The following EXOC4 variants were observed in gnomAD, a reference collection of about 807,000 sequenced individuals.
The protein encoded by EXOC4 is exocyst complex component 4, also known as SEC8-like 1.
EXOC4 carries 71 observed loss-of-function variants against 107.2 expected under a neutral mutation model. The observed-to-expected ratio is 0.66, with a 90% CI of 0.55 to 0.81. The LOEUF (loss-of-function observed/expected upper bound fraction) is 0.81. EXOC4 is among the 30% of genes least tolerant of loss of function. The probability of loss-of-function intolerance (pLI) is 0.00; values close to 1 mark genes in which losing one functional copy is unlikely to be tolerated. For missense variants in EXOC4, 1,108 were observed against 1,189.6 expected, an observed-to-expected ratio of 0.93 and a Z score of 1.01; for synonymous variants, 456 against 441.2, an observed-to-expected ratio of 1.03 and a Z score of -0.42.
At chr7:133,609,055 A>T (rs1198154032) in intron 9 of EXOC4, among the ~76,000 whole-genome samples, 1 of 152,056 alleles carries the variant, frequency 6.6e-6, no homozygotes, top group Non-Finnish European at 1.5e-5. Context: ...ACTTCCAGTC[A>T]TTTTGTCATT....
chr7:134,049,417 T>C (rs1350856868), intron 17 of EXOC4, among the ~76,000 whole-genome samples: 1 of 152,188 alleles, frequency 6.6e-6, no homozygotes, highest in Non-Finnish European at 1.5e-5. Flanking sequence ...CCACACCCCA[T>C]GCACTCCAGT....
At chr7:133,843,872 G>T (rs1310031319) in intron 11 of EXOC4, among the ~76,000 whole-genome samples, 1 of 152,174 alleles carries the variant, frequency 6.6e-6, no homozygotes, top group Non-Finnish European at 1.5e-5. Context: ...TTAACCTGAA[G>T]AGATGTTGAA....
chr7:133,747,296 C>G (rs1795696614), intron 10 of EXOC4, among the ~76,000 whole-genome samples: 1 of 152,176 alleles, frequency 6.6e-6, no homozygotes, highest in South Asian at 2.1e-4. Flanking sequence ...GAAAGTATTG[C>G]AGCGAACACA....
At chr7:133,436,108 A>T (rs1797968222) in intron 7 of EXOC4, among the ~76,000 whole-genome samples, 1 of 151,660 alleles carries the variant, frequency 6.6e-6, no homozygotes, top group African/African-American at 2.4e-5. Flanking sequence ...CATTTCAAGA[A>T]ATTGGTGATC....
At chr7:133,337,923 T>G (rs1795556568) in intron 5 of EXOC4, among the ~76,000 whole-genome samples, 2 of 152,052 alleles carry the variant, frequency 1.3e-5, no homozygotes, top group Admixed American at 1.3e-4. Context: ...TGAGCCACCA[T>G]GCTGAGCCCA....
chr7:133,918,557 T>C (rs1799864283), intron 13 of EXOC4, among the ~76,000 whole-genome samples: 1 of 152,252 alleles, frequency 6.6e-6, no homozygotes, highest in Non-Finnish European at 1.5e-5. Flanking sequence ...TACATTGTAT[T>C]ATCCGTGATT....
chr7:133,854,054 A>C (rs900913879), intron 11 of EXOC4, among the ~76,000 whole-genome samples: 7 of 152,136 alleles, frequency 4.6e-5, no homozygotes, highest in African/African-American at 9.7e-5. Flanking sequence ...AGAGGAAACA[A>C]CCTCAACCAG....
intron 10 of EXOC4, among the ~76,000 whole-genome samples, chr7:133,720,390 T>A (rs572838918): frequency 6.6e-6 from 1 of 152,340 alleles, no homozygotes; most frequent in South Asian, 2.1e-4. Flanking sequence ...GAATGTTGCG[T>A]ATAAACCTTC....
At chr7:133,405,917 T>C (rs1404466900) in intron 7 of EXOC4, among the ~76,000 whole-genome samples, 1 of 152,180 alleles carries the variant, frequency 6.6e-6, no homozygotes, top group African/African-American at 2.4e-5. Flanking sequence ...GGACTATCCA[T>C]TTACCTCACT....
intron 10 of EXOC4, among the ~76,000 whole-genome samples, chr7:133,803,541 T>G (rs911214311): frequency 1.3e-5 from 2 of 152,210 alleles, no homozygotes; most frequent in Non-Finnish European, 2.9e-5. Flanking sequence ...ATATCAGTTC[T>G]GCAGGAACTG....
At chr7:133,906,665 C>G (rs1002940651) in intron 12 of EXOC4, among the ~76,000 whole-genome samples, 2 of 152,216 alleles carry the variant, frequency 1.3e-5, no homozygotes, top group Non-Finnish European at 2.9e-5. Context: ...TACTACGGCT[C>G]GAGCTGAGCT....
intron 11 of EXOC4, among the ~76,000 whole-genome samples, chr7:133,863,086 T>A (rs568130643): frequency 6.6e-6 from 1 of 152,306 alleles, no homozygotes; most frequent in Non-Finnish European, 1.5e-5. Flanking sequence ...ATATTCTTTA[T>A]CAATGAATAT....
At chr7:133,546,493 C>T (rs984589062) in intron 9 of EXOC4, among the ~76,000 whole-genome samples, 1 of 151,896 alleles carries the variant, frequency 6.6e-6, no homozygotes, top group Non-Finnish European at 1.5e-5. Flanking sequence ...TCACCTCAAG[C>T]GATCTGCCTG....
At chr7:133,289,832 A>T (rs1474560068) in intron 3 of EXOC4, among the ~76,000 whole-genome samples, 1 of 152,270 alleles carries the variant, frequency 6.6e-6, no homozygotes, top group African/African-American at 2.4e-5. Context: ...TCCCACTTCC[A>T]TCTCATTCAG....
intron 17 of EXOC4, among the ~76,000 whole-genome samples, chr7:134,036,637 C>A (rs911629150): frequency 6.6e-6 from 1 of 152,116 alleles, no homozygotes; most frequent in Admixed American, 6.5e-5. Context: ...TGAATTTTTT[C>A]TTGGATTAAA....
intron 9 of EXOC4, chr7:133,551,819 T>C (rs551204980): frequency 2.0e-5 from 3 of 152,258 alleles, no homozygotes; most frequent in African/African-American, 7.2e-5. Context: ...TTGGGATGAG[T>C]TACTGTTATT....
chr7:133,905,504 C>T (rs1378514048), intron 12 of EXOC4, among the ~76,000 whole-genome samples: 1 of 152,166 alleles, frequency 6.6e-6, no homozygotes, highest in African/African-American at 2.4e-5. Context: ...GTGCTTCCCT[C>T]CCCTTGCCTG....
the EXOC4 span, among the ~76,000 whole-genome samples, chr7:134,087,424 T>G: frequency 0.012 from 1,776 of 152,308 alleles, 46 homozygotes; most frequent in African/African-American, 0.041. Context: ...GATTAATAAG[T>G]GTTCAATTTA....
At chr7:133,603,282 T>A in intron 9 of EXOC4, among the ~76,000 whole-genome samples, 1 of 152,192 alleles carries the variant, frequency 6.6e-6, no homozygotes, top group East Asian at 1.9e-4. Context: ...GTAATGCCTG[T>A]CTGGATTGAT....
Sources: gnomAD v4.1 joint callset for allele counts (sites outside exome capture counted in the v4.1 genomes callset) on GRCh38, gnomAD v4.1.1 for gene constraint, MANE v1.5 for transcripts, NCBI Gene and HGNC (gene_info 2026-07-23, HGNC 2026-07-21) for gene names.